GNAI2: variants seen among roughly 807,000 people sequenced by gnomAD.
GNAI2 encodes the protein guanine nucleotide-binding protein G(i) subunit alpha-2.
In GNAI2, 4 loss-of-function variants were observed where a neutral mutation model predicts 36.8. The observed-to-expected ratio is 0.11, with a 90% confidence interval of 0.05 to 0.25. The LOEUF (loss-of-function observed/expected upper bound fraction) is 0.25. GNAI2 is among the 10% of genes least tolerant of loss of function. The pLI is 1.00. For synonymous variants in GNAI2, 194 were observed against 194.1 expected (o/e 1.00, Z 0.01); for missense variants, 230 against 481.3 (o/e 0.48, Z 4.89).
intron 1 of GNAI2, among the ~76,000 whole-genome samples, chr3:50,245,238 T>C (rs587734842): frequency 9.8e-5 from 15 of 152,296 alleles, no homozygotes; most frequent in African/African-American, 3.1e-4. Flanking sequence ...CCTCAGGTGA[T>C]CCGCCCACCT....
In GNAI2 at chr3:50,252,894, T is replaced by C. The variant is rs1700598584; in HGVS notation, c.304-130T>C. On this transcript the variant is annotated intron_variant, in intron 3 of 8. Transcript: ENST00000313601. The surrounding 1 kb of genome is among the most constrained non-coding windows in gnomAD (Gnocchi z 4.1). ...AAAGTAAACAACAACAACAAAAAGG[T>C]TTTAGGGCAAGTCTCATCCTAGGGA... 1.4e-6 allele frequency: 1 copy of C among 734,658 alleles called. No homozygotes were observed. The highest frequency in any genetic ancestry group is 2.4e-5 in the Admixed American group (1 of 41,268). 45.5% of individuals were successfully genotyped at this position (734,658 alleles called of 1,614,324 possible).
At position 50,255,125 on chromosome 3, in the gene GNAI2, A is replaced by G. The variant is rs1254968720; in HGVS notation, c.465-1067A>G. ...TCTGTTTTGTCCCTGCTACTCTGAG[A>G]TCATTTCCCTCTGGCCTGGTTTGGC... On this transcript the variant is annotated intron_variant, in intron 4 of 8. Coordinates refer to ENST00000313601, the MANE Select transcript of GNAI2 (RefSeq NM_002070.4). This position sits in a 1 kb window ranked among gnomAD's most constrained non-coding sequence, Gnocchi z 4.0. 6.6e-6 allele frequency among the ~76,000 whole-genome samples: 1 copy of G among 152,092 alleles called. No individual in the cohort carries two copies. The highest frequency in any genetic ancestry group is 1.5e-5 in the Non-Finnish European group (1 of 68,006).
chr3:50,235,441 T>A (rs1316352937), upstream of GNAI2, among the ~76,000 whole-genome samples: 1 of 151,752 alleles, frequency 6.6e-6, no homozygotes, highest in African/African-American at 2.4e-5. Flanking sequence ...CGCCTCAGCC[T>A]CCTGAGCAGG....
intron 1 of GNAI2, among the ~76,000 whole-genome samples, chr3:50,249,451 G>C (rs1281607621): frequency 1.3e-5 from 2 of 152,112 alleles, no homozygotes; most frequent in Non-Finnish European, 2.9e-5. Flanking sequence ...GCAGATCCTG[G>C]CTGCCCCTTT....
intron 1 of GNAI2, among the ~76,000 whole-genome samples, chr3:50,237,310 G>A (rs1195710769): frequency 6.6e-6 from 1 of 152,184 alleles, no homozygotes; most frequent in Non-Finnish European, 1.5e-5. Flanking sequence ...TCCCAAGGAG[G>A]CTCTATGTTT....
upstream of GNAI2, among the ~76,000 whole-genome samples, chr3:50,233,503 T>G (rs1431729851): frequency 6.6e-6 from 1 of 152,214 alleles, no homozygotes; most frequent in Non-Finnish European, 1.5e-5. Flanking sequence ...GGTCCCACCT[T>G]GGAAGCCAGT....
Position 50,236,258 on chromosome 3 carries a change from C to T in GNAI2, c.-78C>T. 8.2e-7 allele frequency: 1 copy of T among 1,213,138 alleles called. No homozygotes were observed. The highest frequency in any genetic ancestry group is 3.9e-5 in the South Asian group (1 of 25,700). 75.1% of individuals were successfully genotyped at this position (1,213,138 alleles called of 1,614,324 possible). A position where few individuals can be genotyped will look rare whatever the true frequency, so the allele number is the denominator to read the frequency against. On this transcript the variant is annotated 5_prime_UTR_variant, in exon 1 of 9. Coordinates refer to ENST00000313601, the MANE Select transcript of GNAI2 (RefSeq NM_002070.4). This position sits in a 1 kb window ranked among gnomAD's most constrained non-coding sequence, Gnocchi z 4.0. ...TCCCGCAGAGGGCTGGTGGTGGGAG[C>T]GGAGTGGGTCGGGCGGGGCCGAGCC...
intron 1 of GNAI2, among the ~76,000 whole-genome samples, chr3:50,244,218 G>A (rs587593657): frequency 7.9e-5 from 12 of 152,046 alleles, no homozygotes; most frequent in African/African-American, 2.2e-4. Flanking sequence ...TAATAGAGAC[G>A]GGGTTTCACC....
chr3:50,257,713 T>C lies in GNAI2; in HGVS notation c.*23T>C. On this transcript the variant is annotated splice_region_variant and 3_prime_UTR_variant, in exon 8 of 9. Transcript: ENST00000313601. ...TGAGGGGCAGCGGGGCCTGGCGGGA[T>C]GGTGAGCCAGAGGGGCTGTGGCAGG... 1.4e-6 allele frequency: 2 copies of C among 1,388,074 alleles called. No individual in the cohort carries two copies. 86.0% of individuals were successfully genotyped at this position (1,388,074 alleles called of 1,614,324 possible). A position where few individuals can be genotyped will look rare whatever the true frequency, so the allele number is the denominator to read the frequency against.
At chr3:50,256,550 C>T in intron 5 of GNAI2, 173 bp from the exon 6 acceptor site, 1 of 750,824 alleles carries the variant, frequency 1.3e-6, no homozygotes, top group Admixed American at 2.4e-5. Flanking sequence ...AGCCTGCCTG[C>T]TGTCCAAGCT....
chr3:50,227,321 C>G (rs939458386), upstream of GNAI2: 11 of 461,400 alleles, frequency 2.4e-5, no homozygotes, highest in East Asian at 3.9e-4. The surrounding 1 kb of genome is among the most constrained non-coding windows in gnomAD (Gnocchi z 5.9). Context: ...CTGCGGAGAC[C>G]GGGCCTCGAC....
At chr3:50,239,201 G>A (rs1301885327) in intron 1 of GNAI2, among the ~76,000 whole-genome samples, 2 of 152,152 alleles carry the variant, frequency 1.3e-5, no homozygotes, top group Non-Finnish European at 2.9e-5. Context: ...ATTTGGGATG[G>A]GCCTGTGTGG....
exon 1 of GNAI2, chr3:50,230,954 C>T (rs1700057569): frequency 2.0e-6 from 2 of 985,450 alleles, no homozygotes; most frequent in Non-Finnish European, 2.4e-6. Context: ...GTGACTGGCT[C>T]CTGGCCCACT....
At chr3:50,245,210 C>G (rs1700387579) in intron 1 of GNAI2, among the ~76,000 whole-genome samples, 1 of 152,156 alleles carries the variant, frequency 6.6e-6, no homozygotes, top group South Asian at 2.1e-4. Flanking sequence ...GTTGGTCAGG[C>G]TGGTCTCGAA....
chr3:50,244,284 C>T (rs587670169), intron 1 of GNAI2, among the ~76,000 whole-genome samples: 75 of 152,322 alleles, frequency 4.9e-4, no homozygotes, highest in African/African-American at 1.8e-3. Context: ...CTGCCTCGGC[C>T]TCCCAGAGTG....
upstream of GNAI2, among the ~76,000 whole-genome samples, chr3:50,234,062 A>ATTTT (rs782209651): frequency 4.8e-5 from 4 of 82,492 alleles, no homozygotes; most frequent in Non-Finnish European, 4.8e-5. Context: ...CGCCCAGCTG[A>ATTTT]TTTTTTTTTT....
chr3:50,232,286 T>C (rs1700080610), upstream of GNAI2, among the ~76,000 whole-genome samples: 1 of 152,088 alleles, frequency 6.6e-6, no homozygotes, highest in East Asian at 1.9e-4. Flanking sequence ...GCCAAGATCA[T>C]GCCACTGCGC....
chr3:50,227,300 C>T (rs1699993129), upstream of GNAI2: 3 of 540,882 alleles, frequency 5.5e-6, no homozygotes, highest in Non-Finnish European at 8.9e-6. The surrounding 1 kb of genome is among the most constrained non-coding windows in gnomAD (Gnocchi z 5.9). Context: ...GGACGCGTGA[C>T]GGCTGCAGCT....
chr3:50,257,353 A>G (rs1013517127), intron 7 of GNAI2, 147 bp from the exon 8 acceptor site: 3 of 640,572 alleles, frequency 4.7e-6, no homozygotes, highest in Admixed American at 6.0e-5. Context: ...TCTGGCATGT[A>G]TGGGCAGCCA....
Sources: allele counts gnomAD v4.1 joint callset (sites outside exome capture counted in the v4.1 genomes callset), GRCh38; gene constraint gnomAD v4.1.1; non-coding constraint Gnocchi (gnomAD v3.1); transcripts MANE v1.5; gene names NCBI Gene and HGNC (gene_info 2026-07-23, HGNC 2026-07-21).